The following PLGRKT variants were observed in gnomAD, a reference collection of about 807,000 sequenced individuals.
PLGRKT encodes plasminogen receptor (KT).
A neutral mutation model predicts 18.5 loss-of-function variants in PLGRKT; 22 were observed. The ratio of observed to expected loss-of-function variants is 1.19; its 90% CI spans 0.85 to 1.70. The LOEUF is 1.70. Among genes scored for constraint, PLGRKT ranks in the 40% most tolerant of loss-of-function variants. The pLI is 0.00. For synonymous variants in PLGRKT, 72 were observed against 52.8 expected (o/e 1.36, Z -1.58); for missense variants, 235 against 174.4 (o/e 1.35, Z -1.96).
Position 5,418,675 on chromosome 9 carries a change from A to G in PLGRKT, c.81+13222T>C. 1.5e-6 allele frequency: 1 copy of G among 671,604 alleles called. No individual in the cohort carries two copies. The allele number at this position is 671,604 out of a possible 1,614,324, so 41.6% of individuals were successfully genotyped here. On this transcript the variant is annotated intron_variant, in intron 3 of 5. Coordinates refer to ENST00000223864, the MANE Select transcript of PLGRKT (RefSeq NM_018465.4). This position sits in a 1 kb window ranked among gnomAD's most constrained non-coding sequence, Gnocchi z 4.2. ...GTGCTCCTTGGAGATGGGCAGGGGC[A>G]GCATGTAGCACCCACTGCCGGGAAG...
At chr9:5,412,287 T>C (rs780163132) in intron 3 of PLGRKT, among the ~76,000 whole-genome samples, 2 of 152,218 alleles carry the variant, frequency 1.3e-5, no homozygotes, top group African/African-American at 4.8e-5. Flanking sequence ...TCATATCATA[T>C]ATGAGAATAA....
intron 3 of PLGRKT, among the ~76,000 whole-genome samples, chr9:5,429,675 C>T (rs1209095786): frequency 1.3e-5 from 2 of 152,288 alleles, no homozygotes; most frequent in Admixed American, 6.5e-5. Context: ...CCCATTCTAA[C>T]GACCTCATTT....
At chr9:5,393,808 AT>A (rs1395583511) in intron 3 of PLGRKT, among the ~76,000 whole-genome samples, 1 of 151,704 alleles carries the variant, frequency 6.6e-6, no homozygotes, top group Non-Finnish European at 1.5e-5. Flanking sequence ...TTGAGCTACT[AT>A]TTTTTCTGGG....
intron 3 of PLGRKT, among the ~76,000 whole-genome samples, chr9:5,377,424 G>C (rs146282930): frequency 6.6e-6 from 1 of 152,118 alleles, no homozygotes; most frequent in African/African-American, 2.4e-5. Flanking sequence ...TGTAAGCAGG[G>C]ATTACTGGGT....
rs527707681 is a variant in PLGRKT at position 5,430,225 on chromosome 9, T to TTACA, written c.81+1671_81+1672insTGTA. Among the ~76,000 whole-genome samples the TTACA allele has an allele frequency of 2.1e-3, 314 of 152,312 alleles. 2 individuals are homozygous for TTACA. The highest frequency in any genetic ancestry group is 7.2e-3 in the African/African-American group (300 of 41,564). ...TCTGTAATAGGCTAACACGTTAGCT[T>TTACA]GCAAGTAGGGTAAAATCCCAGACCC... On this transcript the variant is annotated intron_variant, in intron 3 of 5. Coordinates refer to ENST00000223864, the MANE Select transcript of PLGRKT (RefSeq NM_018465.4).
At chr9:5,386,573 A>G (rs1442461260) in intron 3 of PLGRKT, among the ~76,000 whole-genome samples, 1 of 151,882 alleles carries the variant, frequency 6.6e-6, no homozygotes, top group Non-Finnish European at 1.5e-5. Flanking sequence ...TCAATTAAAG[A>G]GGCCATATAA....
intron 3 of PLGRKT, among the ~76,000 whole-genome samples, chr9:5,411,199 T>C (rs893217251): frequency 2.6e-5 from 4 of 151,482 alleles, no homozygotes; most frequent in Admixed American, 6.6e-5. Context: ...GCCTGGCCAA[T>C]ATGGTGAAAC....
intron 3 of PLGRKT, among the ~76,000 whole-genome samples, chr9:5,381,387 G>C (rs1350386539): frequency 6.6e-6 from 1 of 152,180 alleles, no homozygotes; most frequent in East Asian, 1.9e-4. Flanking sequence ...GGCTAAAAAG[G>C]GCCAAGGTAC....
chr9:5,389,948 G>T (rs1220592080), intron 3 of PLGRKT, among the ~76,000 whole-genome samples: 1 of 151,774 alleles, frequency 6.6e-6, no homozygotes, highest in African/African-American at 2.4e-5. Flanking sequence ...GAACAAGGGT[G>T]TGATTTCCAG....
At chr9:5,385,578 C>G (rs1190707895) in intron 3 of PLGRKT, among the ~76,000 whole-genome samples, 5 of 151,784 alleles carry the variant, frequency 3.3e-5, no homozygotes, top group African/African-American at 1.2e-4. Context: ...CTTTCCTTTC[C>G]CAGTGGCTCA....
intron 3 of PLGRKT, among the ~76,000 whole-genome samples, chr9:5,378,491 G>A (rs543201935): frequency 6.6e-6 from 1 of 152,188 alleles, no homozygotes; most frequent in Admixed American, 6.5e-5. Context: ...GGATAAACCA[G>A]AAGTAAAAAG....
chr9:5,410,950 T>C (rs564020819), intron 3 of PLGRKT, among the ~76,000 whole-genome samples: 6 of 152,350 alleles, frequency 3.9e-5, no homozygotes, highest in East Asian at 1.9e-4. Context: ...TTAATTGTTA[T>C]ATGGCTAAAC....
chr9:5,434,298 G>GCCA (rs1818910461), intron 2 of PLGRKT, among the ~76,000 whole-genome samples: 1 of 135,390 alleles, frequency 7.4e-6, no homozygotes. Flanking sequence ...CTGCCCGGCC[G>GCCA]CCCCGTCTGG....
At chr9:5,396,261 A>G (rs1225659480) in intron 3 of PLGRKT, among the ~76,000 whole-genome samples, 1 of 151,694 alleles carries the variant, frequency 6.6e-6, no homozygotes, top group East Asian at 1.9e-4. Flanking sequence ...GGACACTAAC[A>G]AGAACACAAC....
rs961253446 is a variant in PLGRKT at position 5,413,423 on chromosome 9, G to T, written c.81+18474C>A. ...ACTTTGTAGATCTGACTCAGCTCAG[G>T]ATTTTAAGATAGGAAAAGAAGAGTA... On this transcript the variant is annotated intron_variant, in intron 3 of 5. Coordinates refer to ENST00000223864, the MANE Select transcript of PLGRKT (RefSeq NM_018465.4). 3.3e-5 allele frequency among the ~76,000 whole-genome samples: 5 copies of T among 152,076 alleles called. No individual in the cohort carries two copies. In the East Asian group the frequency reaches 9.6e-4, roughly 29 times the overall value.
chr9:5,394,019 C>T (rs1351923717), intron 3 of PLGRKT, among the ~76,000 whole-genome samples: 2 of 151,770 alleles, frequency 1.3e-5, no homozygotes, highest in Non-Finnish European at 2.9e-5. Flanking sequence ...CTAGAAATGA[C>T]CATCTCCCTA....
At chr9:5,400,024 T>A (rs774114833) in intron 3 of PLGRKT, among the ~76,000 whole-genome samples, 1 of 151,672 alleles carries the variant, frequency 6.6e-6, no homozygotes, top group African/African-American at 2.4e-5. Context: ...ATAAATAAAG[T>A]GTTATTCTAA....
chr9:5,429,348 G>A (rs982091565), intron 3 of PLGRKT, among the ~76,000 whole-genome samples: 2 of 152,174 alleles, frequency 1.3e-5, no homozygotes, highest in Admixed American at 6.5e-5. Flanking sequence ...CCACCTGCTT[G>A]GCACAGGCAC....
chr9:5,399,985 G>C (rs1818126200), intron 3 of PLGRKT, among the ~76,000 whole-genome samples: 1 of 151,476 alleles, frequency 6.6e-6, no homozygotes, highest in Non-Finnish European at 1.5e-5. Context: ...GTGAGACTCT[G>C]TCTCAAAAAA....
Sources: gnomAD v4.1 joint callset for allele counts (sites outside exome capture counted in the v4.1 genomes callset) on GRCh38, gnomAD v4.1.1 for gene constraint, Gnocchi (gnomAD v3.1) non-coding constraint, MANE v1.5 for transcripts, NCBI Gene and HGNC (gene_info 2026-07-23, HGNC 2026-07-21) for gene names.